Variants in FAN1 observed in about 807,000 individuals in gnomAD.
The protein encoded by FAN1 is FANCD2 and FANCI associated nuclease 1, also known as fanconi-associated nuclease 1.
FAN1 carries 91 observed loss-of-function variants against 104.9 expected under a neutral mutation model. That is an observed-to-expected ratio of 0.87 (90% CI 0.73 to 1.03). FAN1 has a LOEUF of 1.03. FAN1 is among the 50% of genes least tolerant of loss of function. FAN1 has a pLI of 0.00. For missense variants in FAN1, 1,263 were observed against 1,239.9 expected (o/e 1.02, Z -0.28); for synonymous variants, 478 against 457.6 (o/e 1.04, Z -0.57).
chr15:30,911,328 T>G (rs1433063871), intron 4 of FAN1: 1 of 985,050 alleles, frequency 1.0e-6, no homozygotes, highest in Non-Finnish European at 1.2e-6. Context: ...GCCCATGTTA[T>G]TTATATAATC....
chr15:30,908,263 G>T lies in FAN1; in HGVS notation c.1375+5G>T. ...ATGCAGGCTTTCTACAGACAGGTATGACTAGTAGAAGGAGATGTGAAATGA... is the reference window on the plus strand; with the variant it reads ...ATGCAGGCTTTCTACAGACAGGTATTACTAGTAGAAGGAGATGTGAAATGA... On this transcript the variant is annotated splice_donor_5th_base_variant and intron_variant, in intron 3 of 14. Transcript: ENST00000362065. The T allele has an allele frequency of 6.3e-7, 1 of 1,590,624 alleles. No individual in the cohort carries two copies. The highest frequency in any genetic ancestry group is 1.2e-5 in the South Asian group (1 of 85,114).
At chr15:30,904,327 G>A (rs1169553965) in intron 1 of FAN1, among the ~76,000 whole-genome samples, 185 bp from the exon 2 acceptor site, 1 of 152,114 alleles carries the variant, frequency 6.6e-6, no homozygotes, top group Non-Finnish European at 1.5e-5. Flanking sequence ...GCCCAGCTCT[G>A]TCATTTTATA....
rs143531590 is a variant in FAN1 at position 30,926,091 on chromosome 15, C to A, written c.2488+152C>A. The A allele has an allele frequency of 1.2e-4, 93 of 762,558 alleles. No individual in the cohort carries two copies. The African/African-American group carries it at 1.6e-3, about 13-fold the overall frequency. 47.2% of individuals were successfully genotyped at this position (762,558 alleles called of 1,614,324 possible). A position where few individuals can be genotyped will look rare whatever the true frequency, so the allele number is the denominator to read the frequency against. On this transcript the variant is annotated intron_variant, in intron 10 of 14. Transcript: ENST00000362065. Reference sequence around the variant, plus strand: ...CTGGGGGATGTCTTCCTATTCTTCCCCTTATCAATGATAAGGAGTAGGTCA... The same window carrying A: ...CTGGGGGATGTCTTCCTATTCTTCCACTTATCAATGATAAGGAGTAGGTCA...
At chr15:30,928,470 ATGG>A in intron 10 of FAN1, 80 bp from the exon 11 acceptor site, 1 of 1,570,394 alleles carries the variant, frequency 6.4e-7, no homozygotes, top group Non-Finnish European at 8.6e-7. Flanking sequence ...GCAGTAGGTT[ATGG>A]TGGTGTTTTG....
rs11856420 is a variant in FAN1, at chr15:30,942,818, C to T, written c.*1256C>T. On this transcript the variant is annotated 3_prime_UTR_variant, in exon 15 of 15. Coordinates refer to ENST00000362065, the MANE Select transcript of FAN1 (RefSeq NM_014967.5). ...CTCTTGGAAGTGCCTTTACTTTTAA[C>T]GCTCTCTGTTCTGAAAAAGAGGTGT... 6.3e-4 allele frequency: 886 copies of T among 1,409,472 alleles called. 5 individuals are homozygous for T. The African/African-American group carries it at 0.011, about 17-fold the overall frequency. 87.3% of individuals were successfully genotyped at this position (1,409,472 alleles called of 1,614,324 possible).
rs780612564 is a variant in FAN1, at chr15:30,929,402, T to C, written c.2787+5T>C. 1.9e-6 allele frequency: 3 copies of C among 1,588,740 alleles called. No homozygotes were observed. The highest frequency in any genetic ancestry group is 2.3e-5 in the East Asian group (1 of 44,002). Reference sequence around the variant, plus strand: ...ACGTCTCTTCAGCAAGCTCAGGTAATGGTTCACCTGCATGGCAGGATTTGC... The same window carrying C: ...ACGTCTCTTCAGCAAGCTCAGGTAACGGTTCACCTGCATGGCAGGATTTGC... On this transcript the variant is annotated splice_donor_5th_base_variant and intron_variant, in intron 12 of 14. Coordinates refer to ENST00000362065, the MANE Select transcript of FAN1 (RefSeq NM_014967.5).
Position 30,905,081 on chromosome 15 carries a change from G to T in FAN1, c.418G>T (p.Asp140Tyr), listed in dbSNP as rs761776412. ...TAATGATGTGGTGTGCAAAAATCAA[G>T]ATGAGCTGAGAAATCGTAGTGTGAA... is the stretch of plus-strand genomic sequence containing the variant. ...KSNDVVCKNQ[D>Y]ELRNRSVKVI... Residue 140 changes from aspartate to tyrosine, a missense_variant, in exon 2 of 15, where the codon GAT (aspartate) becomes TAT (tyrosine). Asp to Tyr is a radical substitution (Grantham distance 160). Around this residue, in one of 2 missense-constraint regions of FAN1, gnomAD observed 682 missense variants for 571.1 expected, o/e 1.19. Transcript: ENST00000362065. 31 of 1,613,952 alleles carry T rather than the reference G, an allele frequency of 1.9e-5. No individual in the cohort carries two copies. The highest frequency in any genetic ancestry group is 2.5e-5 in the Non-Finnish European group (29 of 1,180,000).
intron 14 of FAN1, 22 bp downstream of exon 14, chr15:30,937,281 G>T (rs1274740497): frequency 1.3e-6 from 2 of 1,590,290 alleles, no homozygotes; most frequent in East Asian, 2.2e-5. Flanking sequence ...GGGATATTTG[G>T]TCATACATTA....
intron 14 of FAN1, 94 bp downstream of exon 14, chr15:30,937,353 C>T (rs1334874131): frequency 8.2e-7 from 1 of 1,217,210 alleles, no homozygotes; most frequent in Non-Finnish European, 1.1e-6. Flanking sequence ...GCATTATAAA[C>T]CTGATAGTTT....
Position 30,904,596 on chromosome 15 carries a change from C to T in FAN1, c.-68C>T, listed in dbSNP as rs776829777. 65 of 1,473,494 alleles carry T rather than the reference C, an allele frequency of 4.4e-5. No individual in the cohort carries two copies. The South Asian group carries it at 7.3e-4, about 16-fold the overall frequency. 91.3% of individuals were successfully genotyped at this position (1,473,494 alleles called of 1,614,324 possible). A position where few individuals can be genotyped will look rare whatever the true frequency, so the allele number is the denominator to read the frequency against. On this transcript the variant is annotated 5_prime_UTR_variant, in exon 2 of 15. Coordinates refer to ENST00000362065, the MANE Select transcript of FAN1 (RefSeq NM_014967.5). The stretch of plus-strand genomic sequence containing the variant: ...TTCAAGTCAAGAAAGTAAAAGTAAA[C>T]CATTGCTATCTTTCACCTTAAATAT...
chr15:30,921,576 G>T (rs1429885354), intron 7 of FAN1, among the ~76,000 whole-genome samples: 1 of 152,160 alleles, frequency 6.6e-6, no homozygotes, highest in East Asian at 1.9e-4. Flanking sequence ...TGCTAAGCTG[G>T]TTTCTTGGCC....
chr15:30,935,878 C>CTA (rs2062838280), intron 13 of FAN1, among the ~76,000 whole-genome samples: 1 of 152,130 alleles, frequency 6.6e-6, no homozygotes, highest in South Asian at 2.1e-4. Flanking sequence ...GCTGCTTTGA[C>CTA]TATATCCCCT....
chr15:30,937,961 G>A (rs557527896), intron 14 of FAN1, among the ~76,000 whole-genome samples: 13 of 151,312 alleles, frequency 8.6e-5, no homozygotes, highest in Middle Eastern at 3.5e-3. Flanking sequence ...CGAGGCAGGC[G>A]CATCATGAGG....
At position 30,942,257 on chromosome 15, in the gene FAN1, G is replaced by T; in HGVS notation, c.*695G>T. 1.4e-6 allele frequency: 1 copy of T among 740,348 alleles called. No homozygotes were observed. The highest frequency in any genetic ancestry group is 2.2e-6 in the Non-Finnish European group (1 of 462,138). The allele number at this position is 740,348 out of a possible 1,614,324, so 45.9% of individuals were successfully genotyped here. On this transcript the variant is annotated 3_prime_UTR_variant, in exon 15 of 15. Transcript: ENST00000362065. ...CCCCTGGAATTACACTTTTTTATGT[G>T]TTGACTCTACCTAGGCTGTTACTAT... is the stretch of plus-strand genomic sequence containing the variant.
intron 13 of FAN1, among the ~76,000 whole-genome samples, chr15:30,933,755 T>C (rs933661207): frequency 5.8e-5 from 8 of 137,978 alleles, no homozygotes; most frequent in Admixed American, 3.6e-4. Context: ...TTTCTTTTCT[T>C]TTTTTTTTTG....
At chr15:30,939,164 T>C in intron 14 of FAN1, 2 of 985,394 alleles carry the variant, frequency 2.0e-6, no homozygotes, top group Non-Finnish European at 2.4e-6. Context: ...CACCCTCTGT[T>C]AGTACAAATT....
chr15:30,905,642 G>T lies in FAN1; in HGVS notation c.979G>T (p.Ala327Ser). 1 of 1,614,126 alleles carries T rather than the reference G, an allele frequency of 6.2e-7. No individual in the cohort carries two copies. The highest frequency in any genetic ancestry group is 8.5e-7 in the Non-Finnish European group (1 of 1,179,982). The change falls in exon 2 of 15, where the codon GCA becomes TCA. Residue 327 changes from alanine (A) to serine (S), a missense_variant. Transcript: ENST00000362065. ...SDSEAKSHSSADDASAWSNIQ... is the reference protein window; with the variant it reads ...SDSEAKSHSSSDDASAWSNIQ... ...TTCAGAGGCAAAATCTCATAGTTCT[G>T]CAGATGATGCTTCTGCATGGAGTAA...
At position 30,942,687 on chromosome 15, in the gene FAN1, C is replaced by T. The variant is rs1318761507; in HGVS notation, c.*1125C>T. On this transcript the variant is annotated 3_prime_UTR_variant, in exon 15 of 15. Coordinates refer to ENST00000362065, the MANE Select transcript of FAN1 (RefSeq NM_014967.5). ...CTCAAAGCTGCAATCTGCCCACTCT[C>T]AGGTACTGAGACTTTGTGGGCCTCA... is the stretch of plus-strand genomic sequence containing the variant. 2.6e-5 allele frequency: 14 copies of T among 544,732 alleles called. No individual in the cohort carries two copies. Among genetic ancestry groups the T allele is most frequent in the South Asian group, 2.5e-4 (8 of 31,816 alleles). 33.7% of individuals were successfully genotyped at this position (544,732 alleles called of 1,614,324 possible). A position where few individuals can be genotyped will look rare whatever the true frequency, so the allele number is the denominator to read the frequency against.
In FAN1 at chr15:30,929,195, T is replaced by C. The variant is rs1191826175; in HGVS notation, c.2593-8T>C. 6.2e-7 allele frequency: 1 copy of C among 1,609,840 alleles called. No homozygotes were observed. The highest frequency in any genetic ancestry group is 8.5e-7 in the Non-Finnish European group (1 of 1,178,604). ...ACAGTATGACAGCTTGCTTTCCCTG[T>C]GACACAGGCATTCCCCCTGGACTTG... On this transcript the variant is annotated splice_region_variant and splice_polypyrimidine_tract_variant and intron_variant, in intron 11 of 14. Transcript: ENST00000362065.
Sources: gnomAD v4.1 joint callset for allele counts (sites outside exome capture counted in the v4.1 genomes callset) on GRCh38, gnomAD v4.1.1 for gene constraint, gnomAD v4.1.1 regional missense constraint, MANE v1.5 for transcripts, NCBI Gene and HGNC (gene_info 2026-07-23, HGNC 2026-07-21) for gene names.